Variants in KIAA1217 observed in about 807,000 individuals in gnomAD.
The protein encoded by KIAA1217 is KIAA1217.
In KIAA1217, 88 loss-of-function variants were observed where a neutral mutation model predicts 163.9. That is an observed-to-expected ratio of 0.54 (90% confidence interval 0.45 to 0.64). The LOEUF (loss-of-function observed/expected upper bound fraction) is 0.64. Ranked by LOEUF, KIAA1217 falls within the 30% of genes least tolerant of loss-of-function variation. The pLI, the probability that KIAA1217 is intolerant of heterozygous loss-of-function variation, is 0.00. For synonymous variants in KIAA1217, 903 were observed against 923.1 expected, an observed-to-expected ratio of 0.98 and a Z score of 0.39; for missense variants, 2,372 against 2,475.0, an observed-to-expected ratio of 0.96 and a Z score of 0.88.
intron 1 of KIAA1217, among the ~76,000 whole-genome samples, chr10:23,954,198 GA>G (rs1844458296): frequency 6.6e-6 from 1 of 152,136 alleles, no homozygotes; most frequent in South Asian, 2.1e-4. Context: ...TCAATAGACG[GA>G]AAGATTAAAG....
chr10:23,812,218 A>T (rs1837097398), intron 1 of KIAA1217, among the ~76,000 whole-genome samples: 1 of 152,226 alleles, frequency 6.6e-6, no homozygotes, highest in Non-Finnish European at 1.5e-5. Flanking sequence ...GTTACATATG[A>T]TTGCTTAAAA....
chr10:24,275,875 C>T, intron 2 of KIAA1217: 2 of 438,766 alleles, frequency 4.6e-6, no homozygotes, highest in South Asian at 3.6e-5. Flanking sequence ...TAGCAAGGGC[C>T]CTGGCCATCA....
chr10:24,300,095 A>G (rs2041126854), intron 2 of KIAA1217, among the ~76,000 whole-genome samples: 1 of 152,232 alleles, frequency 6.6e-6, no homozygotes, highest in Non-Finnish European at 1.5e-5. Flanking sequence ...GAGGCTACGT[A>G]CAGAGAGATG....
At chr10:24,175,924 C>T (rs1027336925) in intron 2 of KIAA1217, among the ~76,000 whole-genome samples, 14 of 152,234 alleles carry the variant, frequency 9.2e-5, no homozygotes, top group African/African-American at 2.9e-4. Flanking sequence ...AAAGGCAGTG[C>T]GGACCCAAAG....
At chr10:24,479,050 G>A (rs182175102) in intron 6 of KIAA1217, among the ~76,000 whole-genome samples, 5 of 152,124 alleles carry the variant, frequency 3.3e-5, no homozygotes. Context: ...GTTACACTAG[G>A]AAGAAAAATT....
At chr10:23,753,674 G>A (rs1465192504) in intron 1 of KIAA1217, among the ~76,000 whole-genome samples, 1 of 152,032 alleles carries the variant, frequency 6.6e-6, no homozygotes, top group Non-Finnish European at 1.5e-5. Flanking sequence ...TACAAATTGG[G>A]GGTCTATTTG....
intron 1 of KIAA1217, among the ~76,000 whole-genome samples, chr10:23,869,124 G>GTTTTTTTTTTTTTTTTTTTTTTTTTTT (rs58288361): frequency 3.2e-5 from 1 of 31,724 alleles, no homozygotes; most frequent in Non-Finnish European, 6.3e-5. Context: ...ATGAAATGTA[G>GTTTTTTTTTTTTTTTTTTTTTTTTTTT]TTTTTTTTTT....
chr10:23,847,458 G>T (rs1468467104), intron 1 of KIAA1217, among the ~76,000 whole-genome samples: 2 of 151,972 alleles, frequency 1.3e-5, no homozygotes, highest in Non-Finnish European at 2.9e-5. Flanking sequence ...AACTCGGGAG[G>T]GTGTATGTGT....
chr10:24,290,353 T>C (rs2078969469), intron 2 of KIAA1217, among the ~76,000 whole-genome samples: 1 of 152,132 alleles, frequency 6.6e-6, no homozygotes. Flanking sequence ...GAAAACATGA[T>C]TTTAATCACA....
At chr10:24,496,617 CACTCATGA>C (rs1333456690) in intron 8 of KIAA1217, among the ~76,000 whole-genome samples, 1 of 152,180 alleles carries the variant, frequency 6.6e-6, no homozygotes, top group East Asian at 1.9e-4. Context: ...TTCATGCATT[CACTCATGA>C]ACTCCTTACC....
chr10:24,026,903 T>C (rs1198133070), intron 2 of KIAA1217, among the ~76,000 whole-genome samples: 2 of 151,986 alleles, frequency 1.3e-5, no homozygotes. Flanking sequence ...TATAATGCTA[T>C]AACCTTACCT....
intron 2 of KIAA1217, among the ~76,000 whole-genome samples, chr10:24,022,591 C>T (rs915033563): frequency 2.0e-5 from 3 of 151,702 alleles, no homozygotes; most frequent in African/African-American, 7.2e-5. Context: ...CTATATGATC[C>T]AGCAATCCCA....
chr10:23,934,583 A>ATGTATATATATATATATG (rs1554826377), intron 1 of KIAA1217, among the ~76,000 whole-genome samples: 2 of 64,078 alleles, frequency 3.1e-5, no homozygotes, highest in East Asian at 5.8e-4. Flanking sequence ...ATATATATAT[A>ATGTATATATATATATATG]TATATATGTA....
chr10:24,051,133 C>T (rs1337603978), intron 2 of KIAA1217, among the ~76,000 whole-genome samples: 1 of 152,136 alleles, frequency 6.6e-6, no homozygotes, highest in African/African-American at 2.4e-5. Flanking sequence ...CCTTTGCATC[C>T]TCATAGCTTA....
At chr10:24,141,442 T>A (rs1281694401) in intron 2 of KIAA1217, among the ~76,000 whole-genome samples, 2 of 151,910 alleles carry the variant, frequency 1.3e-5, no homozygotes, top group African/African-American at 4.8e-5. Flanking sequence ...ATAAATAAAG[T>A]CTCAGATTCT....
At chr10:23,865,511 CCTGT>C (rs1452206836) in intron 1 of KIAA1217, among the ~76,000 whole-genome samples, 2 of 152,158 alleles carry the variant, frequency 1.3e-5, no homozygotes, top group East Asian at 3.9e-4. Flanking sequence ...ATACTATTTT[CCTGT>C]CTGTCATTTG....
In KIAA1217 at chr10:24,002,672, G is replaced by GT. The variant is rs150780575; in HGVS notation, c.-320-4549dup. ...CTATTTTTTAAATTTTATTTTGGTA[G>GT]TTTTGGGGGTACAGGTGGTTTTTGG... On this transcript the variant is annotated intron_variant, in intron 1 of 18. Coordinates refer to the KIAA1217 transcript ENST00000376462. 8.5e-3 allele frequency among the ~76,000 whole-genome samples: 1,301 copies of GT among 152,224 alleles called. 19 individuals carry two copies. Among genetic ancestry groups the GT allele is most frequent in the African/African-American group, 0.03 (1,240 of 41,546 alleles).
intron 2 of KIAA1217, among the ~76,000 whole-genome samples, chr10:24,351,599 A>G (rs1159104184): frequency 6.6e-6 from 1 of 152,198 alleles, no homozygotes. Flanking sequence ...AGAACTCATG[A>G]AAAACAATGA....
intron 2 of KIAA1217, among the ~76,000 whole-genome samples, chr10:24,250,031 A>G (rs1405080759): frequency 6.6e-6 from 1 of 152,150 alleles, no homozygotes; most frequent in Non-Finnish European, 1.5e-5. Context: ...TCAGTGATGC[A>G]CCAAAGGGTG....
Sources: allele counts gnomAD v4.1 joint callset (sites outside exome capture counted in the v4.1 genomes callset), GRCh38; gene constraint gnomAD v4.1.1; transcripts MANE v1.5; gene names NCBI Gene and HGNC (gene_info 2026-07-23, HGNC 2026-07-21).